ATAD2B: variants seen among roughly 807,000 people sequenced by gnomAD.
ATAD2B encodes the protein ATPase family AAA domain-containing protein 2B.
A neutral mutation model predicts 167.6 loss-of-function variants in ATAD2B; 40 were observed. The observed-to-expected ratio is 0.24, with a 90% CI of 0.19 to 0.31. The LOEUF is 0.31. ATAD2B is among the 10% of genes least tolerant of loss of function. The pLI, the probability that ATAD2B is intolerant of heterozygous loss-of-function variation, is 1.00. For synonymous variants in ATAD2B, 579 were observed against 596.5 expected, an observed-to-expected ratio of 0.97 and a Z score of 0.43; for missense variants, 1,242 against 1,757.2, an observed-to-expected ratio of 0.71 and a Z score of 5.24.
chr2:23,683,546 C>T, the ATAD2B span, among the ~76,000 whole-genome samples: 1 of 152,220 alleles, frequency 6.6e-6, no homozygotes, highest in African/African-American at 2.4e-5. Context: ...CTGGGAGAAG[C>T]TTCTGACATC....
At chr2:23,709,135 G>A in the ATAD2B span, among the ~76,000 whole-genome samples, 5 of 152,096 alleles carry the variant, frequency 3.3e-5, no homozygotes, top group African/African-American at 1.2e-4. Context: ...TCCGCCTCCC[G>A]GGTTCAAGCG....
the ATAD2B span, chr2:23,696,260 C>A: frequency 6.6e-7 from 1 of 1,503,998 alleles, no homozygotes; most frequent in Non-Finnish European, 9.0e-7. The surrounding 1 kb of genome is among the most constrained non-coding windows in gnomAD (Gnocchi z 5.5). Context: ...TCCTCTGCCC[C>A]TGGGGCTGGG....
At chr2:23,873,889 C>A (rs769330887) in intron 8 of ATAD2B, among the ~76,000 whole-genome samples, 7 of 152,034 alleles carry the variant, frequency 4.6e-5, no homozygotes, top group Non-Finnish European at 1.0e-4. Flanking sequence ...AACTGAAAAG[C>A]CAAAATCCTA....
the ATAD2B span, among the ~76,000 whole-genome samples, chr2:23,728,892 A>G: frequency 3.9e-5 from 6 of 152,262 alleles, no homozygotes; most frequent in South Asian, 1.2e-3. Context: ...TGGGTAATTT[A>G]TAAAGAAAAG....
chr2:23,829,030 C>T, intron 14 of ATAD2B, 91 bp from the exon 15 acceptor site: 1 of 760,346 alleles, frequency 1.3e-6, no homozygotes, highest in Non-Finnish European at 2.2e-6. Context: ...TTAGGTGGAA[C>T]AAATTTTGAC....
chr2:23,866,723 A>G (rs1695192678), intron 10 of ATAD2B, among the ~76,000 whole-genome samples: 1 of 152,226 alleles, frequency 6.6e-6, no homozygotes, highest in South Asian at 2.1e-4. Context: ...CTATGACTTC[A>G]GATTAGAGAT....
intron 20 of ATAD2B, 75 bp from the exon 21 acceptor site, chr2:23,786,298 G>T: frequency 8.6e-7 from 1 of 1,162,372 alleles, no homozygotes; most frequent in Non-Finnish European, 1.2e-6. Context: ...CTCTCAAAAT[G>T]TTCTTTAAAG....
intron 13 of ATAD2B, among the ~76,000 whole-genome samples, chr2:23,850,138 C>CAAA (rs751139594): frequency 5.2e-5 from 3 of 58,246 alleles, no homozygotes; most frequent in African/African-American, 1.1e-4. Flanking sequence ...GACTCCGTCT[C>CAAA]AAAAAAAAAA....
chr2:23,780,501 T>C (rs1415309781), intron 22 of ATAD2B, among the ~76,000 whole-genome samples: 2 of 152,160 alleles, frequency 1.3e-5, no homozygotes, highest in African/African-American at 4.8e-5. Flanking sequence ...TTTATTATGG[T>C]TGAAACTGAA....
chr2:23,817,680 A>G (rs1324574802), intron 17 of ATAD2B, among the ~76,000 whole-genome samples: 1 of 152,350 alleles, frequency 6.6e-6, no homozygotes, highest in East Asian at 1.9e-4. Context: ...AAAATTGGAC[A>G]AATGGGTAGG....
In ATAD2B at chr2:23,884,862, A is replaced by G. The variant is rs1029742995; in HGVS notation, c.687T>C (p.Asp229=). Reference sequence around the variant, plus strand: ...TTCGCCTTTTCACTCTTGAATACATATCCATGTTTTCCTTTTAAAGAAAGA... The same window carrying G: ...TTCGCCTTTTCACTCTTGAATACATGTCCATGTTTTCCTTTTAAAGAAAGA... ...MWTDTEFENM[D]MYSRVKRRRK... is the part of the protein sequence containing the mutation. The change falls in exon 6 of 28, where the codon GAT becomes GAC. Residue 229 remains aspartate, a synonymous_variant. Coordinates refer to ENST00000238789, the MANE Select transcript of ATAD2B (RefSeq NM_017552.4). 3 of 1,557,794 alleles carry G rather than the reference A, an allele frequency of 1.9e-6. No homozygotes were observed. In the Admixed American group the frequency reaches 6.0e-5, roughly 31 times the overall value.
chr2:23,827,598 T>G (rs988388733), intron 15 of ATAD2B, among the ~76,000 whole-genome samples: 1 of 152,166 alleles, frequency 6.6e-6, no homozygotes, highest in Non-Finnish European at 1.5e-5. Flanking sequence ...TAGTAAAATA[T>G]CATCATAAAT....
chr2:23,890,775 G>T (rs928030628), intron 2 of ATAD2B, among the ~76,000 whole-genome samples: 10 of 152,280 alleles, frequency 6.6e-5, no homozygotes, highest in Non-Finnish European at 1.5e-4. Context: ...CAGAACAATG[G>T]TAACATCATT....
the ATAD2B span, among the ~76,000 whole-genome samples, chr2:23,692,170 T>C: frequency 1.3e-5 from 2 of 152,274 alleles, no homozygotes; most frequent in Non-Finnish European, 2.9e-5. Flanking sequence ...GGGCTGTGCA[T>C]GTGCTCTGTT....
At chr2:23,865,401 C>T (rs1221420547) in intron 10 of ATAD2B, among the ~76,000 whole-genome samples, 5 of 151,822 alleles carry the variant, frequency 3.3e-5, no homozygotes, top group South Asian at 2.1e-4. Context: ...TGGTGGCGCA[C>T]GCCTGTAATC....
At chr2:23,701,708 C>T in the ATAD2B span, among the ~76,000 whole-genome samples, 336 of 152,110 alleles carry the variant, frequency 2.2e-3, 2 homozygotes, top group African/African-American at 7.5e-3. Context: ...CAGAGCAAGA[C>T]CCTGCCTCAA....
chr2:23,823,392 C>T lies in ATAD2B; in HGVS notation c.1997G>A (p.Arg666His), dbSNP rs369169172. Residue 666 changes from arginine (R) to histidine (H), a missense_variant, in exon 16 of 28, where the codon CGT (arginine) becomes CAT (histidine). Arg to His is a conservative substitution (Grantham distance 29, BLOSUM62 0). This residue lies in a region of ATAD2B where 145 missense variants were observed against 181.9 expected (regional missense o/e 0.80). Transcript: ENST00000238789. Reference protein sequence around the residue: ...AMQNIVPASQRAVMSSGHALS... With the variant: ...AMQNIVPASQHAVMSSGHALS... ...TGCATGCCCTGAAGACATCACAGCA[C>T]GTTGGGAAGCAGGCACGATATTCTG... The T allele has an allele frequency of 1.1e-5, 17 of 1,613,796 alleles. No homozygotes were observed. The African/African-American group carries it at 1.5e-4, about 14-fold the overall frequency.
chr2:23,824,301 A>C (rs1178011514), intron 15 of ATAD2B, among the ~76,000 whole-genome samples: 1 of 152,184 alleles, frequency 6.6e-6, no homozygotes. Flanking sequence ...TTTTAAAAGA[A>C]TAATAGTTTC....
intron 1 of ATAD2B, among the ~76,000 whole-genome samples, chr2:23,911,734 C>G (rs1702338410): frequency 6.6e-6 from 1 of 151,988 alleles, no homozygotes; most frequent in South Asian, 2.1e-4. Flanking sequence ...CAGCACTTTG[C>G]GAGGCCAAGG....
Sources: gnomAD v4.1 joint callset for allele counts (sites outside exome capture counted in the v4.1 genomes callset) on GRCh38, gnomAD v4.1.1 for gene constraint, gnomAD v4.1.1 regional missense constraint, Gnocchi (gnomAD v3.1) non-coding constraint, MANE v1.5 for transcripts, NCBI Gene and HGNC (gene_info 2026-07-23, HGNC 2026-07-21) for gene names.